Variants in AMPH observed in about 807,000 individuals in gnomAD.
AMPH encodes amphiphysin.
AMPH carries 49 observed loss-of-function variants against 99.1 expected under a neutral mutation model. The observed-to-expected ratio is 0.49, with a 90% CI of 0.39 to 0.63. The LOEUF (loss-of-function observed/expected upper bound fraction) is 0.63. Ranked by LOEUF, AMPH falls within the 20% of genes least tolerant of loss-of-function variation. The pLI is 0.00. For synonymous variants in AMPH, 314 were observed against 317.3 expected (o/e 0.99, Z 0.11); for missense variants, 759 against 863.4 (o/e 0.88, Z 1.52).
At chr7:38,585,648 A>C (rs1792617402) in intron 1 of AMPH, among the ~76,000 whole-genome samples, 1 of 152,202 alleles carries the variant, frequency 6.6e-6, no homozygotes, top group East Asian at 1.9e-4. Context: ...ATTTAGCCTA[A>C]GCTTTTAATA....
At chr7:38,394,673 T>C (rs720668) in intron 17 of AMPH, among the ~76,000 whole-genome samples, 60,038 of 151,958 alleles carry the variant, frequency 0.4, 11,932 homozygotes, top group Admixed American at 0.44. Context: ...CACCTTCCTT[T>C]TGTTCCCAAA....
At chr7:38,397,840 G>A (rs908120117) in intron 17 of AMPH, among the ~76,000 whole-genome samples, 1 of 152,018 alleles carries the variant, frequency 6.6e-6, no homozygotes, top group African/African-American at 2.4e-5. Context: ...ATTAAAAAAT[G>A]GGCAAAAGAT....
At chr7:38,445,837 TG>T in intron 11 of AMPH, among the ~76,000 whole-genome samples, 1 of 152,118 alleles carries the variant, frequency 6.6e-6, no homozygotes, top group Non-Finnish European at 1.5e-5. Flanking sequence ...GACTGGATCA[TG>T]GGGGCGGAGT....
intron 17 of AMPH, among the ~76,000 whole-genome samples, chr7:38,405,558 C>A (rs1198341400): frequency 6.6e-6 from 1 of 151,978 alleles, no homozygotes; most frequent in Non-Finnish European, 1.5e-5. Context: ...ATCCTTATGT[C>A]AGATAAAACA....
At chr7:38,436,978 G>A (rs1238274724) in intron 11 of AMPH, among the ~76,000 whole-genome samples, 1 of 152,150 alleles carries the variant, frequency 6.6e-6, no homozygotes, top group Non-Finnish European at 1.5e-5. Flanking sequence ...GTATGAGTGA[G>A]GGTGAACGGG....
chr7:38,403,271 G>A lies in AMPH; in HGVS notation c.1399-9057C>T, dbSNP rs553796620. 6.6e-5 allele frequency among the ~76,000 whole-genome samples: 10 copies of A among 152,254 alleles called. No homozygotes were observed. The East Asian group carries it at 1.7e-3, about 26-fold the overall frequency. The stretch of plus-strand genomic sequence containing the variant: ...CTGACTCTTAAGGAACTTAGAATTC[G>A]GCAGAAAGGGTAGGTGGGGGTGCTT... On this transcript the variant is annotated intron_variant, in intron 17 of 20. Coordinates refer to ENST00000356264, the MANE Select transcript of AMPH (RefSeq NM_001635.4).
chr7:38,450,347 T>C (rs901568653), intron 11 of AMPH, among the ~76,000 whole-genome samples: 1 of 152,208 alleles, frequency 6.6e-6, no homozygotes, highest in Non-Finnish European at 1.5e-5. Flanking sequence ...GACACAAAGA[T>C]AGACTCTGGC....
intron 1 of AMPH, among the ~76,000 whole-genome samples, chr7:38,588,532 T>C (rs780488873): frequency 1.5e-4 from 23 of 152,196 alleles, no homozygotes; most frequent in Non-Finnish European, 3.2e-4. Context: ...ATGTCTACTG[T>C]ATGTGCCAGA....
intron 1 of AMPH, among the ~76,000 whole-genome samples, chr7:38,594,400 AG>A (rs1399277857): frequency 6.6e-6 from 1 of 152,146 alleles, no homozygotes; most frequent in Admixed American, 6.5e-5. Context: ...AGCTGTTTGG[AG>A]GACAGCAACC....
chr7:38,561,206 C>A (rs1270517420), intron 1 of AMPH, among the ~76,000 whole-genome samples: 2 of 152,222 alleles, frequency 1.3e-5, no homozygotes, highest in African/African-American at 4.8e-5. Flanking sequence ...ATTCATCTTT[C>A]CTATTTGGAA....
At chr7:38,398,190 A>G (rs984847410) in intron 17 of AMPH, among the ~76,000 whole-genome samples, 1 of 149,618 alleles carries the variant, frequency 6.7e-6, no homozygotes, top group Non-Finnish European at 1.5e-5. Flanking sequence ...CTCAAAAAAA[A>G]AAAAACAAAA....
chr7:38,605,425 T>A (rs886704606), intron 1 of AMPH, among the ~76,000 whole-genome samples: 1 of 152,206 alleles, frequency 6.6e-6, no homozygotes, highest in African/African-American at 2.4e-5. Flanking sequence ...CAGCAGAGAC[T>A]TCTGGAACTT....
intron 1 of AMPH, among the ~76,000 whole-genome samples, chr7:38,568,663 A>G (rs1791833796): frequency 6.6e-6 from 1 of 152,188 alleles, no homozygotes; most frequent in South Asian, 2.1e-4. Flanking sequence ...GCTGTATTTG[A>G]TTATTGATGT....
At position 38,422,405 on chromosome 7, in the gene AMPH, A is replaced by G. The variant is rs746711342; in HGVS notation, c.1272+16T>C. 1.9e-6 allele frequency: 3 copies of G among 1,609,672 alleles called. No individual in the cohort carries two copies. The highest frequency in any genetic ancestry group is 1.7e-6 in the Non-Finnish European group (2 of 1,176,514). On this transcript the variant is annotated intron_variant, in intron 16 of 20. Transcript: ENST00000356264. ...AACTAACAACTTCCTGAGAGCACAA[A>G]CCCAAATCAACTTACCAAGTTGCAG...
intron 1 of AMPH, among the ~76,000 whole-genome samples, chr7:38,629,210 C>T (rs2129074015): frequency 6.6e-6 from 1 of 152,282 alleles, no homozygotes; most frequent in African/African-American, 2.4e-5. Flanking sequence ...GCTGCTTTAC[C>T]TGGATGCCAA....
At chr7:38,453,725 C>A (rs1787122462) in intron 11 of AMPH, among the ~76,000 whole-genome samples, 1 of 152,130 alleles carries the variant, frequency 6.6e-6, no homozygotes, top group Non-Finnish European at 1.5e-5. Flanking sequence ...CCTTGTCTAC[C>A]AAATGGGGAT....
chr7:38,631,188 C>G (rs1223181838), intron 1 of AMPH, 95 bp downstream of exon 1: 1 of 1,130,214 alleles, frequency 8.8e-7, no homozygotes, highest in Non-Finnish European at 1.1e-6. Flanking sequence ...CGCGCCGCAC[C>G]CCGAGGCTCG....
At chr7:38,484,371 T>C (rs1788408874) in intron 5 of AMPH, among the ~76,000 whole-genome samples, 1 of 152,092 alleles carries the variant, frequency 6.6e-6, no homozygotes, top group Admixed American at 6.6e-5. Context: ...GAAAAGTGAC[T>C]TGCTCACATA....
At chr7:38,470,277 C>T (rs1030598763) in intron 7 of AMPH, among the ~76,000 whole-genome samples, 1 of 152,184 alleles carries the variant, frequency 6.6e-6, no homozygotes, top group Non-Finnish European at 1.5e-5. Flanking sequence ...ATTCCTCAGG[C>T]CCATCATAGT....
Sources: gnomAD v4.1 joint callset for allele counts (sites outside exome capture counted in the v4.1 genomes callset) on GRCh38, gnomAD v4.1.1 for gene constraint, MANE v1.5 for transcripts, NCBI Gene and HGNC (gene_info 2026-07-23, HGNC 2026-07-21) for gene names.